CSRP1: variants seen among roughly 807,000 people sequenced by gnomAD.
The protein encoded by CSRP1 is cysteine and glycine-rich protein 1.
Under a neutral mutation model 25.4 loss-of-function variants are expected in CSRP1, and 16 were observed. The ratio of observed to expected loss-of-function variants is 0.63; its 90% CI spans 0.43 to 0.96. The LOEUF is 0.96. Among genes scored for constraint, CSRP1 ranks in the 40% least tolerant of loss-of-function variants. The pLI, the probability that CSRP1 is intolerant of heterozygous loss-of-function variation, is 0.00. For missense variants in CSRP1, 212 were observed against 243.6 expected (o/e 0.87, Z 0.86); for synonymous variants, 97 against 95.3 (o/e 1.02, Z -0.10).
At chr1:201,485,611 T>G (rs1664110397) in intron 4 of CSRP1, 1 of 525,808 alleles carries the variant, frequency 1.9e-6, no homozygotes, top group Admixed American at 3.2e-5. Flanking sequence ...GCCTGATGAT[T>G]AGGGTCACCA....
At chr1:201,495,572 C>T (rs1297206446) in intron 2 of CSRP1, 2 of 152,240 alleles carry the variant, frequency 1.3e-5, no homozygotes, top group Non-Finnish European at 2.9e-5. Context: ...TCGACCTGAC[C>T]TCTGTCAGTT....
At chr1:201,499,407 C>T (rs1233899167) in intron 1 of CSRP1, among the ~76,000 whole-genome samples, 2 of 152,200 alleles carry the variant, frequency 1.3e-5, no homozygotes, top group Non-Finnish European at 2.9e-5. Flanking sequence ...GGATCAGGAA[C>T]AGGCTGAGAC....
intron 1 of CSRP1, among the ~76,000 whole-genome samples, chr1:201,506,147 C>T (rs761938762): frequency 4.6e-5 from 7 of 152,204 alleles, no homozygotes; most frequent in Non-Finnish European, 8.8e-5. Flanking sequence ...CTCCAAGCCA[C>T]CTCTTCATGA....
chr1:201,503,039 G>C (rs1409820628), intron 1 of CSRP1, among the ~76,000 whole-genome samples: 5 of 152,138 alleles, frequency 3.3e-5, no homozygotes, highest in African/African-American at 1.2e-4. Context: ...CCAGCTACTT[G>C]GGAGGCTGAG....
chr1:201,505,413 C>T (rs955273647), intron 1 of CSRP1, among the ~76,000 whole-genome samples: 5 of 152,204 alleles, frequency 3.3e-5, no homozygotes, highest in African/African-American at 9.6e-5. Flanking sequence ...CTAAGACAGA[C>T]CACAGGCAAA....
At chr1:201,499,209 G>A (rs1664594360) in intron 1 of CSRP1, among the ~76,000 whole-genome samples, 1 of 152,220 alleles carries the variant, frequency 6.6e-6, no homozygotes, top group East Asian at 1.9e-4. Context: ...AGTTAGACAG[G>A]AACAGCAATC....
chr1:201,494,266 CCCCCG>C (rs1664430932), intron 2 of CSRP1, among the ~76,000 whole-genome samples: 1 of 152,124 alleles, frequency 6.6e-6, no homozygotes, highest in African/African-American at 2.4e-5. Flanking sequence ...CAGGCAGGCA[CCCCCG>C]CCCACAGCTG....
intron 1 of CSRP1, among the ~76,000 whole-genome samples, chr1:201,500,978 A>G (rs529456041): frequency 6.6e-6 from 1 of 152,364 alleles, no homozygotes; most frequent in African/African-American, 2.4e-5. Context: ...GTCAATGGTT[A>G]GGAAAACAAG....
intron 1 of CSRP1, among the ~76,000 whole-genome samples, chr1:201,498,623 G>A (rs1664579959): frequency 1.3e-5 from 2 of 152,204 alleles, no homozygotes; most frequent in Non-Finnish European, 2.9e-5. Context: ...GGGTGACACG[G>A]GCCTCAGCTC....
In CSRP1 at chr1:201,484,151, C is replaced by A; in HGVS notation, c.*562G>T. 1.6e-6 allele frequency: 1 copy of A among 642,744 alleles called. No individual in the cohort carries two copies. The highest frequency in any genetic ancestry group is 2.8e-5 in the East Asian group (1 of 36,216). The allele number at this position is 642,744 out of a possible 1,614,324, so 39.8% of individuals were successfully genotyped here. On this transcript the variant is annotated 3_prime_UTR_variant, in exon 6 of 6. Transcript: ENST00000340006. ...CAAGAGGCCTGGAGAAGCAGGGGCT[C>A]CTAGGACCCTGCCTGCATGCCTCTC...
At chr1:201,489,348 A>T (rs550441968) in intron 3 of CSRP1, 119 of 172,674 alleles carry the variant, frequency 6.9e-4, no homozygotes, top group Non-Finnish European at 1.3e-3. Flanking sequence ...TGGGGCAATG[A>T]CCTTGGCTGA....
Position 201,490,330 on chromosome 1 carries a change from T to G in CSRP1, c.127A>C (p.Asn43His), listed in dbSNP as rs1481245021. The G allele has an allele frequency of 6.2e-7, 1 of 1,614,014 alleles. No individual in the cohort carries two copies. Among genetic ancestry groups the G allele is most frequent in the African/African-American group, 1.3e-5 (1 of 74,912 alleles). ...ACGGCCACAGTGGTACTGTCCAGAT[T>G]CTTCTTGCAGACCACTGTGGAGGGG... ...SCFLCMVCKK[N>H]LDSTTVAVHG... The change falls in exon 3 of 6, where the codon AAT becomes CAT. Residue 43 changes from asparagine to histidine, a missense_variant. Physicochemically the swap from Asn to His is moderately conservative, Grantham distance 68. Coordinates refer to ENST00000340006, the MANE Select transcript of CSRP1 (RefSeq NM_004078.3).
intron 4 of CSRP1, chr1:201,485,745 G>A (rs1173496690): frequency 3.7e-5 from 9 of 245,280 alleles, no homozygotes; most frequent in Non-Finnish European, 5.7e-5. Flanking sequence ...GTGAGCCAGG[G>A]CTTTGCACTC....
Position 201,483,765 on chromosome 1 carries a change from G to C in CSRP1, c.*948C>G. 2.2e-6 allele frequency: 1 copy of C among 461,810 alleles called. No individual in the cohort carries two copies. The allele number at this position is 461,810 out of a possible 1,614,324, so 28.6% of individuals were successfully genotyped here. On this transcript the variant is annotated 3_prime_UTR_variant, in exon 6 of 6. Coordinates refer to ENST00000340006, the MANE Select transcript of CSRP1 (RefSeq NM_004078.3). ...GGTGGAGTGGAAGAGGCAGGGTCTT[G>C]GGTTAAAGGGAAGATTCTGAGGTCT...
chr1:201,487,872 A>G (rs1217333084), intron 4 of CSRP1: 1 of 152,220 alleles, frequency 6.6e-6, no homozygotes, highest in Non-Finnish European at 1.5e-5. Flanking sequence ...CATGACTGTG[A>G]GAGTAGAGAT....
intron 4 of CSRP1, chr1:201,485,647 G>A (rs1664112122): frequency 2.1e-6 from 1 of 465,586 alleles, no homozygotes; most frequent in Non-Finnish European, 3.9e-6. Context: ...GCAGGTGAGG[G>A]GGTGGGTTTA....
chr1:201,487,357 T>C (rs1433978289), intron 4 of CSRP1: 1 of 157,302 alleles, frequency 6.4e-6, no homozygotes, highest in African/African-American at 2.4e-5. Flanking sequence ...AGTGCTAAGA[T>C]CGCGCCACTG....
chr1:201,488,946 G>A lies in CSRP1; in HGVS notation c.320C>T (p.Ser107Phe), dbSNP rs1216890136. The A allele has an allele frequency of 5.6e-6, 9 of 1,614,018 alleles. No individual in the cohort carries two copies. The Admixed American group carries it at 1.2e-4, about 21-fold the overall frequency. Residue 107 changes from serine to phenylalanine, a missense_variant, in exon 4 of 6, where the codon TCC (serine) becomes TTC (phenylalanine). Ser to Phe is a radical substitution (Grantham distance 155). Coordinates refer to ENST00000340006, the MANE Select transcript of CSRP1 (RefSeq NM_004078.3). ...GCCACCAATCTTCTGGGCAAATTTG[G>A]ATGCATTGGGGTTGGTGGTGGGCCT... ...GHRPTTNPNA[S>F]KFAQKIGGSE...
At chr1:201,494,056 C>T (rs571038971) in intron 2 of CSRP1, among the ~76,000 whole-genome samples, 1 of 152,204 alleles carries the variant, frequency 6.6e-6, no homozygotes, top group Non-Finnish European at 1.5e-5. Context: ...CCTGAGACTG[C>T]TTCCTGCGGC....
Sources: gnomAD v4.1 joint callset for allele counts (sites outside exome capture counted in the v4.1 genomes callset) on GRCh38, gnomAD v4.1.1 for gene constraint, MANE v1.5 for transcripts, NCBI Gene and HGNC (gene_info 2026-07-23, HGNC 2026-07-21) for gene names.